Variants in MCPH1 observed in about 807,000 individuals in gnomAD.
MCPH1 encodes microcephalin 1, also known as microcephalin.
MCPH1 carries 104 observed loss-of-function variants against 84.5 expected under a neutral mutation model. That is an observed-to-expected ratio of 1.23 (90% confidence interval 1.05 to 1.45). MCPH1 has a LOEUF of 1.45. MCPH1 is among the 40% of genes most tolerant of loss of function. MCPH1 has a pLI of 0.00. For synonymous variants in MCPH1, 514 were observed against 366.8 expected (o/e 1.40, Z -4.58); for missense variants, 1,498 against 1,005.7 (o/e 1.49, Z -6.62).
intron 12 of MCPH1, among the ~76,000 whole-genome samples, chr8:6,617,476 A>G (rs1830924349): frequency 6.6e-6 from 1 of 152,016 alleles, no homozygotes; most frequent in Admixed American, 6.6e-5. Flanking sequence ...ATATATAAAT[A>G]GATGAGCCTG....
At chr8:6,458,141 C>A (rs899840120) in intron 9 of MCPH1, among the ~76,000 whole-genome samples, 1 of 152,120 alleles carries the variant, frequency 6.6e-6, no homozygotes, top group African/African-American at 2.4e-5. Flanking sequence ...AAAGTTGTTT[C>A]ATTTTTAGAC....
At chr8:6,603,381 GGT>G (rs775431010) in intron 12 of MCPH1, among the ~76,000 whole-genome samples, 3 of 151,910 alleles carry the variant, frequency 2.0e-5, no homozygotes, top group Non-Finnish European at 4.4e-5. Flanking sequence ...TTTTGATTGA[GGT>G]GTTATTACTT....
At chr8:6,515,314 T>G (rs889725315) in intron 12 of MCPH1, among the ~76,000 whole-genome samples, 2 of 152,144 alleles carry the variant, frequency 1.3e-5, no homozygotes, top group Admixed American at 1.3e-4. Flanking sequence ...TTGGCTTCCT[T>G]TATGTGCAAT....
At chr8:6,442,283 T>G in intron 7 of MCPH1, 127 bp downstream of exon 7, 1 of 668,176 alleles carries the variant, frequency 1.5e-6, no homozygotes, top group Non-Finnish European at 2.6e-6. Flanking sequence ...ACTTCTAAAT[T>G]TCCCCCTGAA....
chr8:6,505,175 A>AATAT (rs3045054), intron 12 of MCPH1, among the ~76,000 whole-genome samples: 11 of 95,782 alleles, frequency 1.1e-4, no homozygotes, highest in East Asian at 4.4e-4. Flanking sequence ...TATGCCAAAG[A>AATAT]ATATATATAT....
At position 6,645,682 on chromosome 8, in the gene MCPH1, C is replaced by A. The variant is rs893426632; in HGVS notation, c.*2633C>A. On this transcript the variant is annotated 3_prime_UTR_variant, in exon 14 of 14. Transcript: ENST00000344683. Reference sequence around the variant, plus strand: ...AGATTGCAATATACAATCTTGCAATCTTCCTAAAGATTATATACAAACCTA... The same window carrying A: ...AGATTGCAATATACAATCTTGCAATATTCCTAAAGATTATATACAAACCTA... 1.4e-5 allele frequency: 2 copies of A among 143,672 alleles called. No homozygotes were observed. The highest frequency in any genetic ancestry group is 1.4e-4 in the Admixed American group (2 of 14,356). The allele number at this position is 143,672 out of a possible 1,614,324, so 8.9% of individuals were successfully genotyped here. A position where few individuals can be genotyped will look rare whatever the true frequency, so the allele number is the denominator to read the frequency against.
At chr8:6,417,563 C>T (rs903282960) in intron 3 of MCPH1, among the ~76,000 whole-genome samples, 3 of 151,844 alleles carry the variant, frequency 2.0e-5, no homozygotes, top group South Asian at 2.1e-4. Flanking sequence ...AGTTCATTGA[C>T]TTTTTTCTCC....
chr8:6,425,797 T>A (rs1431788231), intron 3 of MCPH1, among the ~76,000 whole-genome samples: 1 of 152,230 alleles, frequency 6.6e-6, no homozygotes, highest in Non-Finnish European at 1.5e-5. Flanking sequence ...GTAGTGGCTT[T>A]TCCAGCACGG....
rs544648138 is a variant in MCPH1 at position 6,515,758 on chromosome 8, A to C, written c.2214+15829A>C. ...AAGTTAAGGTTCAAAACCAATTGTA[A>C]ATATTCTTCTTGTGTTGTGTCCCAT... On this transcript the variant is annotated intron_variant, in intron 12 of 13. Transcript: ENST00000344683. 5.9e-5 allele frequency among the ~76,000 whole-genome samples: 9 copies of C among 152,328 alleles called. No homozygotes were observed. The East Asian group carries it at 1.7e-3, about 29-fold the overall frequency.
chr8:6,409,734 G>C (rs1190029972), intron 2 of MCPH1, among the ~76,000 whole-genome samples: 2 of 152,144 alleles, frequency 1.3e-5, no homozygotes, highest in African/African-American at 4.8e-5. Flanking sequence ...GGATATACAA[G>C]TCTGGAGCTT....
intron 12 of MCPH1, among the ~76,000 whole-genome samples, chr8:6,539,136 G>C (rs1821046418): frequency 6.6e-6 from 1 of 152,244 alleles, no homozygotes; most frequent in Admixed American, 6.5e-5. Context: ...GAAGGGCTGG[G>C]AGATGCGGAT....
At chr8:6,608,306 A>T (rs7825469) in intron 12 of MCPH1, among the ~76,000 whole-genome samples, 96,950 of 152,140 alleles carry the variant, frequency 0.64, 33,389 homozygotes, top group Non-Finnish European at 0.79. Context: ...AGGAGAGGAA[A>T]GGCAGACGTC....
At chr8:6,508,357 A>G (rs1309173765) in intron 12 of MCPH1, 1 of 153,782 alleles carries the variant, frequency 6.5e-6, no homozygotes, top group Non-Finnish European at 1.4e-5. Context: ...CTGAGGCAGG[A>G]GAATCGCTTG....
chr8:6,637,631 C>T (rs187202553), intron 13 of MCPH1, among the ~76,000 whole-genome samples: 6 of 152,072 alleles, frequency 3.9e-5, no homozygotes, highest in Admixed American at 2.6e-4. Context: ...GATTAGGCTG[C>T]GGTATATGTT....
intron 12 of MCPH1, among the ~76,000 whole-genome samples, chr8:6,576,434 G>T (rs1178926639): frequency 6.6e-6 from 1 of 152,096 alleles, no homozygotes; most frequent in Non-Finnish European, 1.5e-5. Context: ...ACTCGTTGAA[G>T]TATGAGGCCA....
At chr8:6,439,321 T>C (rs1243735237) in intron 6 of MCPH1, among the ~76,000 whole-genome samples, 1 of 151,694 alleles carries the variant, frequency 6.6e-6, no homozygotes, top group African/African-American at 2.4e-5. Context: ...CTATTTGTTG[T>C]AGCTCCTTTG....
chr8:6,431,626 A>G (rs767523354), intron 4 of MCPH1, 40 bp downstream of exon 4: 2 of 1,341,172 alleles, frequency 1.5e-6, no homozygotes, highest in South Asian at 2.5e-5. Context: ...GCAATTAGGA[A>G]TTTATTCGTT....
intron 12 of MCPH1, among the ~76,000 whole-genome samples, chr8:6,541,763 G>C (rs993628728): frequency 6.6e-6 from 1 of 152,112 alleles, no homozygotes; most frequent in Non-Finnish European, 1.5e-5. Flanking sequence ...CAATACTTTA[G>C]GGGGCCAAGG....
intron 8 of MCPH1, among the ~76,000 whole-genome samples, chr8:6,454,589 C>G (rs948871292): frequency 6.6e-6 from 1 of 152,110 alleles, no homozygotes; most frequent in African/African-American, 2.4e-5. Context: ...CTAAGGAAAC[C>G]ACATTTCACT....
Sources: gnomAD v4.1 joint callset for allele counts (sites outside exome capture counted in the v4.1 genomes callset) on GRCh38, gnomAD v4.1.1 for gene constraint, MANE v1.5 for transcripts, NCBI Gene and HGNC (gene_info 2026-07-23, HGNC 2026-07-21) for gene names.